The following PCDHA9 variants were observed in gnomAD, a reference collection of about 807,000 sequenced individuals.
PCDHA9 encodes protocadherin alpha-9.
Under a neutral mutation model 62.0 loss-of-function variants are expected in PCDHA9, and 62 were observed. The ratio of observed to expected loss-of-function variants is 1.00; its 90% CI spans 0.81 to 1.23. The LOEUF (loss-of-function observed/expected upper bound fraction) is 1.23. PCDHA9 is among the 50% of genes most tolerant of loss of function. The pLI, the probability that PCDHA9 is intolerant of heterozygous loss-of-function variation, is 0.00. For synonymous variants in PCDHA9, 557 were observed against 567.6 expected (o/e 0.98, Z 0.27); for missense variants, 1,205 against 1,249.8 (o/e 0.96, Z 0.54).
At chr5:140,912,511 T>C (rs2075947919) in intron 1 of PCDHA9, among the ~76,000 whole-genome samples, 1 of 152,158 alleles carries the variant, frequency 6.6e-6, no homozygotes, top group Non-Finnish European at 1.5e-5. Context: ...TGGATGAATC[T>C]TTAGGGTTTT....
chr5:140,877,569 C>T (rs782129855), intron 1 of PCDHA9: 1 of 1,613,806 alleles, frequency 6.2e-7, no homozygotes, highest in Admixed American at 1.7e-5. Flanking sequence ...TTAACGTGTA[C>T]CTCATCATCG....
chr5:140,882,926 C>A (rs144073627), intron 1 of PCDHA9: 1 of 1,614,058 alleles, frequency 6.2e-7, no homozygotes, highest in Non-Finnish European at 8.5e-7. Flanking sequence ...TGGAGGTAAA[C>A]CCGAGCTGAC....
intron 3 of PCDHA9, among the ~76,000 whole-genome samples, chr5:140,990,741 G>A (rs528078912): frequency 4.3e-4 from 65 of 152,270 alleles, no homozygotes; most frequent in African/African-American, 1.2e-3. Context: ...ACAGCCCTAG[G>A]GTGGATACCT....
At chr5:140,945,371 A>G (rs926668947) in intron 1 of PCDHA9, among the ~76,000 whole-genome samples, 2 of 152,104 alleles carry the variant, frequency 1.3e-5, no homozygotes, top group African/African-American at 4.8e-5. Context: ...AAATGTCCAT[A>G]TTACCCAAAG....
chr5:140,884,092 G>A (rs1443036011), intron 1 of PCDHA9: 17 of 1,613,438 alleles, frequency 1.1e-5, no homozygotes, highest in Non-Finnish European at 1.4e-5. Flanking sequence ...CGTGGCTTTC[G>A]TATGAATTGC....
chr5:140,896,214 G>C (rs1265727629), intron 1 of PCDHA9, among the ~76,000 whole-genome samples: 4 of 152,208 alleles, frequency 2.6e-5, no homozygotes, highest in Non-Finnish European at 5.9e-5. Context: ...ACACATACAT[G>C]TGTCTTTATA....
intron 1 of PCDHA9, chr5:140,857,643 T>C (rs1406049950): frequency 4.4e-6 from 7 of 1,596,508 alleles, no homozygotes; most frequent in Non-Finnish European, 5.1e-6. Flanking sequence ...CTGCTACAGT[T>C]CCAGGTGAGC....
intron 1 of PCDHA9, among the ~76,000 whole-genome samples, chr5:140,954,414 G>A (rs1322356989): frequency 1.3e-5 from 2 of 152,010 alleles, no homozygotes; most frequent in Non-Finnish European, 2.9e-5. Flanking sequence ...GGGTAAAGGT[G>A]TTCCTTTTTC....
rs190398483 is a variant in PCDHA9 at position 140,849,974 on chromosome 5, G to T, written c.1479G>T (p.Ser493=). The T allele has an allele frequency of 6.3e-6, 10 of 1,597,556 alleles. 1 individual carries two copies. Among genetic ancestry groups the T allele is most frequent in the Admixed American group, 5.1e-5 (3 of 59,294 alleles). The change falls in exon 1 of 4, where the codon TCG becomes TCT. Residue 493 remains serine (S), a synonymous_variant. Coordinates refer to ENST00000532602, the MANE Select transcript of PCDHA9 (RefSeq NM_031857.2). The part of the protein sequence containing the change: ...DAQENALVSY[S]LVERRLGERS... ...AGGAGAACGCCCTGGTGTCCTACTC[G>T]CTGGTGGAGCGGCGGTTGGGCGAGC...
intron 1 of PCDHA9, among the ~76,000 whole-genome samples, chr5:140,900,291 T>C (rs1397328670): frequency 6.6e-6 from 1 of 151,992 alleles, no homozygotes; most frequent in East Asian, 2.0e-4. Flanking sequence ...TTCTTTTCTG[T>C]TTTTTTAGAC....
intron 1 of PCDHA9, among the ~76,000 whole-genome samples, chr5:140,950,428 T>G (rs408652): frequency 0.56 from 85,077 of 151,214 alleles, 24,477 homozygotes; most frequent in African/African-American, 0.69. Context: ...TTTCTTCCAC[T>G]TAAAAAAAAT....
rs113486331 is a variant in PCDHA9, at chr5:140,935,958, T to C, written c.2395-42991T>C. ...CCCAGGCTGGAGTAAAGTGGTACAATCTTGGCTCACTGCAATCTCTGCCTC... is the reference window on the plus strand; with the variant it reads ...CCCAGGCTGGAGTAAAGTGGTACAACCTTGGCTCACTGCAATCTCTGCCTC... On this transcript the variant is annotated intron_variant, in intron 1 of 3. Coordinates refer to ENST00000532602, the MANE Select transcript of PCDHA9 (RefSeq NM_031857.2). Among the ~76,000 whole-genome samples the C allele has an allele frequency of 4.3e-3, 649 of 149,438 alleles. 7 individuals are homozygous for C. The highest frequency in any genetic ancestry group is 0.015 in the African/African-American group (604 of 40,738).
At chr5:140,856,956 T>C (rs781976306) in intron 1 of PCDHA9, 1 of 1,593,360 alleles carries the variant, frequency 6.3e-7, no homozygotes, top group South Asian at 1.1e-5. Context: ...GAAATAAAAG[T>C]AAATGATGCT....
intron 1 of PCDHA9, chr5:140,852,656 G>C (rs2042430108): frequency 1.0e-6 from 1 of 961,570 alleles, no homozygotes; most frequent in African/African-American, 1.8e-5. Context: ...ATCTATATCT[G>C]TCTATCAGCA....
At chr5:140,967,681 G>A (rs367838143) in intron 1 of PCDHA9, 12 of 1,614,086 alleles carry the variant, frequency 7.4e-6, no homozygotes, top group Non-Finnish European at 9.3e-6. Flanking sequence ...ACCGGGAGAG[G>A]CAGCTCTTCA....
chr5:140,883,032 C>T, intron 1 of PCDHA9: 1 of 1,614,064 alleles, frequency 6.2e-7, no homozygotes. Context: ...TTAGAGAACG[C>T]CTTCAATGGA....
intron 1 of PCDHA9, chr5:140,927,790 G>C: frequency 6.2e-7 from 1 of 1,614,218 alleles, no homozygotes; most frequent in Non-Finnish European, 8.5e-7. Flanking sequence ...TGCTTCACTA[G>C]GTCCGCCTGA....
intron 1 of PCDHA9, chr5:140,884,234 G>T (rs375170723): frequency 3.7e-6 from 6 of 1,613,500 alleles, no homozygotes; most frequent in Non-Finnish European, 4.2e-6. Context: ...GGACCACGGT[G>T]AGCCCGCGCT....
chr5:140,926,842 G>A (rs1388239431), intron 1 of PCDHA9: 1 of 1,514,684 alleles, frequency 6.6e-7, no homozygotes, highest in Non-Finnish European at 8.8e-7. Flanking sequence ...GCATGGTCCT[G>A]GGTCACCGTT....
Sources: allele counts gnomAD v4.1 joint callset (sites outside exome capture counted in the v4.1 genomes callset), GRCh38; gene constraint gnomAD v4.1.1; transcripts MANE v1.5; gene names NCBI Gene and HGNC (gene_info 2026-07-23, HGNC 2026-07-21).